Variants in LAP3 observed in about 807,000 individuals in gnomAD.
LAP3 encodes the protein leucine aminopeptidase 3.
A neutral mutation model predicts 58.8 loss-of-function variants in LAP3; 46 were observed. That is an observed-to-expected ratio of 0.78 (90% CI 0.62 to 1.00). The LOEUF is 1.00. Ranked by LOEUF, LAP3 falls within the 50% of genes least tolerant of loss-of-function variation. The probability of loss-of-function intolerance (pLI) is 0.00; values close to 1 mark genes in which losing one functional copy is unlikely to be tolerated. For missense variants in LAP3, 615 were observed against 659.1 expected (o/e 0.93, Z 0.73); for synonymous variants, 257 against 237.7 (o/e 1.08, Z -0.75).
In LAP3 at chr4:17,582,423, C is replaced by T. The variant is rs1713389745; in HGVS notation, c.379+30C>T. Reference sequence around the variant, plus strand: ...TTTCACTTTTTAAGTTTAAAGAATCCTGAGGATCCACTCTTTTTGATGACC... The same window carrying T: ...TTTCACTTTTTAAGTTTAAAGAATCTTGAGGATCCACTCTTTTTGATGACC... On this transcript the variant is annotated intron_variant, in intron 4 of 12. Transcript: ENST00000226299. 7 of 1,541,008 alleles carry T rather than the reference C, an allele frequency of 4.5e-6. No homozygotes were observed. The African/African-American group carries it at 5.5e-5, about 12-fold the overall frequency.
intron 1 of LAP3, 30 bp from the exon 2 acceptor site, chr4:17,579,794 A>G (rs773849190): frequency 2.3e-6 from 3 of 1,281,976 alleles, no homozygotes; most frequent in Non-Finnish European, 3.4e-6. Flanking sequence ...CTCTAATTCT[A>G]TTATATTTAC....
At chr4:17,583,367 G>T in intron 4 of LAP3, 116 bp from the exon 5 acceptor site, 1 of 1,058,560 alleles carries the variant, frequency 9.4e-7, no homozygotes, top group Non-Finnish European at 1.4e-6. Context: ...CGGGTATCAG[G>T]GCTGGGATTT....
At chr4:17,601,264 T>A (rs772108909) in intron 10 of LAP3, among the ~76,000 whole-genome samples, 14 of 152,206 alleles carry the variant, frequency 9.2e-5, no homozygotes, top group Non-Finnish European at 1.8e-4. Flanking sequence ...CCTCTGCTAC[T>A]AGTAGTTCTG....
chr4:17,584,527 A>G (rs929508067), intron 5 of LAP3, among the ~76,000 whole-genome samples: 1 of 152,226 alleles, frequency 6.6e-6, no homozygotes, highest in African/African-American at 2.4e-5. Context: ...GAAAGCAAAA[A>G]GGTCTTCAGT....
At chr4:17,596,375 T>C (rs941287922) in intron 8 of LAP3, among the ~76,000 whole-genome samples, 1 of 152,164 alleles carries the variant, frequency 6.6e-6, no homozygotes, top group Non-Finnish European at 1.5e-5. Context: ...GTTTCGCTCT[T>C]GTTGCCCAGG....
At chr4:17,585,950 G>A (rs1380085627) in intron 6 of LAP3, 1 of 152,058 alleles carries the variant, frequency 6.6e-6, no homozygotes, top group Non-Finnish European at 1.5e-5. Flanking sequence ...AACTTTTTGA[G>A]GAACTTCACA....
Position 17,577,249 on chromosome 4 carries a change from C to CGAATGCGGGCGCACACGAATG in LAP3, c.-217_-216insGAATGCGGGCGCACACGAATG. On this transcript the variant is annotated 5_prime_UTR_variant, in exon 1 of 13. The change creates a new upstream start codon in the 5' untranslated region. Transcript: ENST00000226299. Reference sequence around the variant, plus strand: ...GCGGGCGCACACGAATGCGGGCGCACCCTTGAGTCCCCTCCACAACCGCGG... The same window carrying CGAATGCGGGCGCACACGAATG: ...GCGGGCGCACACGAATGCGGGCGCACGAATGCGGGCGCACACGAATGCCTTGAGTCCCCTCCACAACCGCGG... 1 of 390,322 alleles carries CGAATGCGGGCGCACACGAATG rather than the reference C, an allele frequency of 2.6e-6. No individual in the cohort carries two copies. Among genetic ancestry groups the CGAATGCGGGCGCACACGAATG allele is most frequent in the East Asian group, 4.2e-5 (1 of 23,602 alleles). 24.2% of individuals were successfully genotyped at this position (390,322 alleles called of 1,614,324 possible).
intron 3 of LAP3, 186 bp from the exon 4 acceptor site, chr4:17,582,102 A>G (rs1713379467): frequency 6.5e-6 from 4 of 616,158 alleles, no homozygotes; most frequent in Non-Finnish European, 1.2e-5. Flanking sequence ...AAGTTATACA[A>G]TTTTGCCAGG....
At chr4:17,595,354 G>A in intron 7 of LAP3, 56 bp from the exon 8 acceptor site, 1 of 1,592,978 alleles carries the variant, frequency 6.3e-7, no homozygotes, top group South Asian at 1.1e-5. Context: ...TTTAAATAAA[G>A]TGATTTTGGC....
chr4:17,589,224 C>T (rs1041924999), intron 7 of LAP3, among the ~76,000 whole-genome samples: 1 of 151,978 alleles, frequency 6.6e-6, no homozygotes, highest in African/African-American at 2.4e-5. Context: ...CCACACCCAG[C>T]TAATTTTTGC....
At chr4:17,594,137 GA>G (rs1713770847) in intron 7 of LAP3, among the ~76,000 whole-genome samples, 1 of 151,932 alleles carries the variant, frequency 6.6e-6, no homozygotes, top group Non-Finnish European at 1.5e-5. Context: ...GAGAGAGATT[GA>G]AAAAGTGAGC....
intron 11 of LAP3, among the ~76,000 whole-genome samples, chr4:17,605,484 T>C (rs1404031826): frequency 1.3e-5 from 2 of 152,234 alleles, no homozygotes; most frequent in Admixed American, 1.3e-4. Flanking sequence ...GCTAGACAGC[T>C]CCAGCTGGCT....
chr4:17,578,331 G>GC (rs763190453), intron 1 of LAP3, among the ~76,000 whole-genome samples: 44 of 152,298 alleles, frequency 2.9e-4, no homozygotes, highest in Admixed American at 1.3e-4. Flanking sequence ...CTGTGCCACA[G>GC]CCTACCCAGA....
chr4:17,606,041 G>GC (rs1714117810), intron 11 of LAP3, among the ~76,000 whole-genome samples: 1 of 152,126 alleles, frequency 6.6e-6, no homozygotes, highest in Non-Finnish European at 1.5e-5. Flanking sequence ...TAGCCTGTAG[G>GC]CCCTTGGGTG....
chr4:17,580,793 G>A (rs1713343108), intron 2 of LAP3, among the ~76,000 whole-genome samples: 1 of 152,180 alleles, frequency 6.6e-6, no homozygotes, highest in Admixed American at 6.5e-5. Flanking sequence ...TGGAGATCCT[G>A]ATGGTAGGGA....
At chr4:17,586,180 G>A (rs1289907291) in intron 6 of LAP3, 1 of 152,198 alleles carries the variant, frequency 6.6e-6, no homozygotes, top group African/African-American at 2.4e-5. Context: ...GGGATCTCCA[G>A]CCCTTTAAGC....
At chr4:17,590,861 C>T (rs900838649) in intron 7 of LAP3, among the ~76,000 whole-genome samples, 1 of 151,334 alleles carries the variant, frequency 6.6e-6, no homozygotes, top group African/African-American at 2.4e-5. Flanking sequence ...TGAGCCACTG[C>T]GCCTGGCCAC....
intron 11 of LAP3, among the ~76,000 whole-genome samples, chr4:17,605,834 T>C (rs1714113411): frequency 6.6e-6 from 1 of 152,224 alleles, no homozygotes; most frequent in Non-Finnish European, 1.5e-5. Flanking sequence ...CTCAGTTATA[T>C]GTGCATAAAT....
rs988291568 is a variant in LAP3, at chr4:17,583,620, G to A, written c.517G>A (p.Val173Met). 2 of 1,613,928 alleles carry A rather than the reference G, an allele frequency of 1.2e-6. No individual in the cohort carries two copies. Among genetic ancestry groups the A allele is most frequent in the African/African-American group, 1.3e-5 (1 of 74,818 alleles). The stretch of plus-strand genomic sequence containing the variant: ...CCTAAAGCAAAAAAAGAAGATGGCT[G>A]TGTCGGCAAAGCTCTATGGAAGGTG... ...DDLKQKKKMAVSAKLYGSGDQ... is the reference protein window; with the variant it reads ...DDLKQKKKMAMSAKLYGSGDQ... Residue 173 changes from valine to methionine, a missense_variant, in exon 5 of 13, where the codon GTG becomes ATG. By Grantham distance (21) the Val-to-Met change is conservative. Coordinates refer to ENST00000226299, the MANE Select transcript of LAP3 (RefSeq NM_015907.3).
Sources: allele counts gnomAD v4.1 joint callset (sites outside exome capture counted in the v4.1 genomes callset), GRCh38; gene constraint gnomAD v4.1.1; transcripts MANE v1.5; gene names NCBI Gene and HGNC (gene_info 2026-07-23, HGNC 2026-07-21).